GPC1: variants seen among roughly 807,000 people sequenced by gnomAD.
The protein encoded by GPC1 is glypican-1.
Under a neutral mutation model 51.5 loss-of-function variants are expected in GPC1, and 26 were observed. The ratio of observed to expected loss-of-function variants is 0.50; its 90% CI spans 0.37 to 0.70. The LOEUF (loss-of-function observed/expected upper bound fraction) is 0.70, where lower values mean the gene tolerates loss of function less well. Among genes scored for constraint, GPC1 ranks in the 30% least tolerant of loss-of-function variants. GPC1 has a pLI of 0.00. For synonymous variants in GPC1, 380 were observed against 348.3 expected, an observed-to-expected ratio of 1.09 and a Z score of -1.01; for missense variants, 775 against 800.5, an observed-to-expected ratio of 0.97 and a Z score of 0.38.
intron 1 of GPC1, among the ~76,000 whole-genome samples, chr2:240,443,732 C>T (rs1379523070): frequency 1.3e-5 from 2 of 152,182 alleles, no homozygotes; most frequent in African/African-American, 2.4e-5. Context: ...AGAGAAGGGT[C>T]CCTCTTTCCC....
intron 1 of GPC1, chr2:240,451,348 CAG>C (rs1189055882): frequency 4.6e-6 from 2 of 433,914 alleles, no homozygotes; most frequent in African/African-American, 4.0e-5. Flanking sequence ...GTGTAGCAGA[CAG>C]GGAGGGCCAG....
chr2:240,456,339 G>GC (rs2074163446), intron 1 of GPC1, among the ~76,000 whole-genome samples: 1 of 152,048 alleles, frequency 6.6e-6, no homozygotes, highest in Non-Finnish European at 1.5e-5. Context: ...GAGTGGGTCC[G>GC]CCGGGACCTC....
intron 1 of GPC1, among the ~76,000 whole-genome samples, chr2:240,439,877 TGAGGACC>T (rs2074007058): frequency 6.6e-6 from 1 of 152,156 alleles, no homozygotes; most frequent in Non-Finnish European, 1.5e-5. Flanking sequence ...ATCCCCAGCG[TGAGGACC>T]GAGCGGAGCC....
intron 2 of GPC1, among the ~76,000 whole-genome samples, chr2:240,460,231 C>T (rs898967718): frequency 3.3e-5 from 5 of 152,210 alleles, no homozygotes; most frequent in South Asian, 2.1e-4. Flanking sequence ...ACTTGGACAT[C>T]GATGCTCAGA....
At chr2:240,466,027 C>A in intron 8 of GPC1, 31 bp from the exon 9 acceptor site, 1 of 1,459,974 alleles carries the variant, frequency 6.8e-7, no homozygotes. Context: ...CCTGTGGGGA[C>A]CTGCCTGCCG....
At position 240,448,471 on chromosome 2, in the gene GPC1, G is replaced by A. The variant is rs1340890626; in HGVS notation, c.167-10559G>A. Among the ~76,000 whole-genome samples the A allele has an allele frequency of 7.4e-6, 1 of 136,004 alleles. No homozygotes were observed. The allele number at this position is 136,004 out of a possible 152,430, so 89.2% of individuals were successfully genotyped here. On this transcript the variant is annotated intron_variant, in intron 1 of 8. Coordinates refer to ENST00000264039, the MANE Select transcript of GPC1 (RefSeq NM_002081.3). This position sits in a 1 kb window ranked among gnomAD's most constrained non-coding sequence, Gnocchi z 4.5. ...GCCAGGAAGTCTGGGTGTAGACGGG[G>A]TGGAGTCAGGACTCCAGGTGCCTGG...
Position 240,464,950 on chromosome 2 carries a change from C to A in GPC1, c.1109C>A (p.Pro370Gln), listed in dbSNP as rs754069210. 1 of 1,552,510 alleles carries A rather than the reference C, an allele frequency of 6.4e-7. No homozygotes were observed. Among genetic ancestry groups the A allele is most frequent in the Admixed American group, 2.0e-5 (1 of 51,242 alleles). Residue 370 changes from proline (P) to glutamine (Q), a missense_variant, in exon 6 of 9, where the codon CCA (proline) becomes CAA (glutamine). Physicochemically the swap from Pro to Gln is moderately conservative, Grantham distance 76. Coordinates refer to ENST00000264039, the MANE Select transcript of GPC1 (RefSeq NM_002081.3). ...RRGKLAPRERPPSGTLEKLVS... is the reference protein window; with the variant it reads ...RRGKLAPRERQPSGTLEKLVS... ...GGCAAGCTGGCCCCGCGGGAGAGGC[C>A]ACCTTCAGGCACGCTGGAGAAGCTG...
chr2:240,438,815 A>G (rs367893927), intron 1 of GPC1, among the ~76,000 whole-genome samples: 2 of 152,322 alleles, frequency 1.3e-5, no homozygotes, highest in South Asian at 2.1e-4. Flanking sequence ...CTGCAGTGAC[A>G]GCAGTGGTCA....
intron 3 of GPC1, 30 bp downstream of exon 3, chr2:240,462,612 A>G: frequency 6.7e-7 from 1 of 1,492,602 alleles, no homozygotes; most frequent in Non-Finnish European, 8.9e-7. Context: ...GCTCTCAGAA[A>G]CCCCTCCAGA....
chr2:240,457,268 C>A (rs1347137755), intron 1 of GPC1, among the ~76,000 whole-genome samples: 1 of 152,186 alleles, frequency 6.6e-6, no homozygotes, highest in African/African-American at 2.4e-5. Context: ...CCCTCCCTCG[C>A]TCTCCCAGGC....
At chr2:240,442,980 C>T (rs1418414686) in intron 1 of GPC1, among the ~76,000 whole-genome samples, 1 of 152,270 alleles carries the variant, frequency 6.6e-6, no homozygotes, top group Non-Finnish European at 1.5e-5. Flanking sequence ...GCCTGGGAGG[C>T]CTCAGCGTCA....
Position 240,466,057 on chromosome 2 carries a change from G to A in GPC1, c.1445-1G>A. 6.2e-7 allele frequency: 1 copy of A among 1,603,708 alleles called. No homozygotes were observed. Among genetic ancestry groups the A allele is most frequent in the Non-Finnish European group, 8.5e-7 (1 of 1,172,482 alleles). ...CTGCCGGAGCCTCCTCTCCTTCCCA[G>A]GTGACGACGGCAGCGGCTCGGGCAG... is the stretch of plus-strand genomic sequence containing the variant. On this transcript the variant is annotated splice_acceptor_variant, in intron 8 of 8. Transcript: ENST00000264039. LOFTEE classifies it high-confidence loss of function.
intron 4 of GPC1, chr2:240,463,715 G>C (rs1306580191): frequency 1.7e-6 from 1 of 578,414 alleles, no homozygotes; most frequent in Non-Finnish European, 3.1e-6. Flanking sequence ...TGTGACTTGG[G>C]GCAGCTGCCA....
intron 5 of GPC1, 36 bp downstream of exon 5, chr2:240,464,782 G>C (rs1015030695): frequency 6.3e-7 from 1 of 1,582,590 alleles, no homozygotes; most frequent in Non-Finnish European, 8.6e-7. Context: ...ACAGCGGGGT[G>C]GGGGTCCTGG....
chr2:240,435,735 C>T lies in GPC1; in HGVS notation c.-184C>T, dbSNP rs1187523695. On this transcript the variant is annotated 5_prime_UTR_variant, in exon 1 of 9. Coordinates refer to ENST00000264039, the MANE Select transcript of GPC1 (RefSeq NM_002081.3). ...GAGCGTTCGGACCTCGCACCCCGCG[C>T]GCCCCGCGCCGCCGCCGCCGCCGGC... 1.8e-5 allele frequency: 5 copies of T among 277,768 alleles called. No individual in the cohort carries two copies. The highest frequency in any genetic ancestry group is 2.6e-5 in the Non-Finnish European group (4 of 154,982). 17.2% of individuals were successfully genotyped at this position (277,768 alleles called of 1,614,324 possible).
chr2:240,456,752 C>T (rs932049771), intron 1 of GPC1: 1 of 399,494 alleles, frequency 2.5e-6, no homozygotes, highest in Non-Finnish European at 5.4e-6. Context: ...GGTTCCTGCT[C>T]TAAATCCTGC....
intron 4 of GPC1, chr2:240,464,211 G>A (rs1214429784): frequency 3.8e-6 from 1 of 262,464 alleles, no homozygotes; most frequent in South Asian, 4.8e-5. Context: ...GTGTACATGG[G>A]GGGGGCATGA....
chr2:240,465,375 G>A, intron 7 of GPC1, 98 bp from the exon 8 acceptor site: 1 of 1,367,334 alleles, frequency 7.3e-7, no homozygotes, highest in Non-Finnish European at 1.0e-6. Flanking sequence ...AAGCTGCTGG[G>A]CATCTCAGGC....
chr2:240,441,870 C>T (rs1423444634), intron 1 of GPC1, among the ~76,000 whole-genome samples: 1 of 152,222 alleles, frequency 6.6e-6, no homozygotes, highest in Non-Finnish European at 1.5e-5. Flanking sequence ...TGGGTGAGGG[C>T]TATGCTGAGG....
Sources: gnomAD v4.1 joint callset for allele counts (sites outside exome capture counted in the v4.1 genomes callset) on GRCh38, gnomAD v4.1.1 for gene constraint, Gnocchi (gnomAD v3.1) non-coding constraint, MANE v1.5 for transcripts, NCBI Gene and HGNC (gene_info 2026-07-23, HGNC 2026-07-21) for gene names.